PTPRD: variants seen among roughly 807,000 people sequenced by gnomAD.
PTPRD encodes protein tyrosine phosphatase receptor type D.
Under a neutral mutation model 214.5 loss-of-function variants are expected in PTPRD, and 34 were observed. The observed-to-expected ratio is 0.16, with a 90% CI of 0.12 to 0.21. PTPRD has a LOEUF of 0.21. Among genes scored for constraint, PTPRD ranks in the 10% least tolerant of loss-of-function variants. PTPRD has a pLI of 1.00. For missense variants in PTPRD, 2,545 were observed against 2,398.7 expected (o/e 1.06, Z -1.27); for synonymous variants, 1,128 against 845.7 (o/e 1.33, Z -5.79).
At chr9:9,209,441 G>C (rs2099947117) in intron 9 of PTPRD, among the ~76,000 whole-genome samples, 2 of 152,120 alleles carry the variant, frequency 1.3e-5, no homozygotes, top group African/African-American at 2.4e-5. Flanking sequence ...GACATTATAA[G>C]GTAATTGAAA....
intron 8 of PTPRD, among the ~76,000 whole-genome samples, chr9:9,494,989 G>C (rs1446798721): frequency 6.6e-6 from 1 of 152,062 alleles, no homozygotes; most frequent in Non-Finnish European, 1.5e-5. Context: ...GGATAGAAAA[G>C]AGAGCTCAGA....
chr9:8,803,537 C>T (rs544114111), intron 11 of PTPRD, among the ~76,000 whole-genome samples: 6 of 151,928 alleles, frequency 3.9e-5, no homozygotes, highest in Admixed American at 1.3e-4. Context: ...AAAATTATAA[C>T]GCCTGAGCAA....
chr9:9,739,410 G>C lies in PTPRD; in HGVS notation c.-325-4839C>G, dbSNP rs143345597. ...ACTTAAATAGTTACATAATTACTTA[G>C]AGTGTCTTTTTCTTGCGCTTCTCAT... On this transcript the variant is annotated intron_variant, in intron 6 of 45. Coordinates refer to ENST00000381196, the MANE Select transcript of PTPRD (RefSeq NM_002839.4). Among the ~76,000 whole-genome samples, 1,177 of 152,204 alleles carry C rather than the reference G, an allele frequency of 7.7e-3. 4 individuals are homozygous for C. Among genetic ancestry groups the C allele is most frequent in the Non-Finnish European group, 0.013 (911 of 67,998 alleles).
chr9:9,122,638 G>A (rs1056073544), intron 10 of PTPRD, among the ~76,000 whole-genome samples: 4 of 152,094 alleles, frequency 2.6e-5, no homozygotes, highest in Non-Finnish European at 5.9e-5. Context: ...GACACTTGCC[G>A]CAGTACATGA....
chr9:9,518,031 A>T (rs2096878528), intron 8 of PTPRD, among the ~76,000 whole-genome samples: 1 of 152,062 alleles, frequency 6.6e-6, no homozygotes, highest in African/African-American at 2.4e-5. Flanking sequence ...CTCTATATTT[A>T]CTTTCTAATT....
At chr9:8,489,756 T>C (rs189490472) in intron 27 of PTPRD, among the ~76,000 whole-genome samples, 238 of 152,346 alleles carry the variant, frequency 1.6e-3, no homozygotes, top group Non-Finnish European at 2.3e-3. Context: ...TTCTACATCA[T>C]TGAATACATA....
intron 4 of PTPRD, among the ~76,000 whole-genome samples, chr9:9,977,968 C>G (rs1015844079): frequency 3.3e-5 from 5 of 151,632 alleles, no homozygotes; most frequent in Non-Finnish European, 7.4e-5. Context: ...TCATCTAGCA[C>G]ATGGAAAGTG....
At chr9:8,796,605 A>G (rs1156573216) in intron 11 of PTPRD, among the ~76,000 whole-genome samples, 4 of 152,156 alleles carry the variant, frequency 2.6e-5, no homozygotes, top group Non-Finnish European at 5.9e-5. Flanking sequence ...TTTGGATGAC[A>G]GTAACTTAAA....
chr9:9,447,119 G>C (rs2090685429), intron 8 of PTPRD, among the ~76,000 whole-genome samples: 1 of 152,088 alleles, frequency 6.6e-6, no homozygotes, highest in Non-Finnish European at 1.5e-5. Context: ...ATTCCTCAAA[G>C]ACCAAAAATC....
chr9:9,432,576 T>C (rs1236617340), intron 8 of PTPRD, among the ~76,000 whole-genome samples: 1 of 152,190 alleles, frequency 6.6e-6, no homozygotes, highest in Non-Finnish European at 1.5e-5. Context: ...CTGAAGATCT[T>C]TTATTCTTTT....
At chr9:8,978,883 C>T (rs1038489978) in intron 11 of PTPRD, among the ~76,000 whole-genome samples, 3 of 152,116 alleles carry the variant, frequency 2.0e-5, no homozygotes, top group Non-Finnish European at 2.9e-5. Context: ...TTCCTGAAAA[C>T]GTCTAACACT....
intron 7 of PTPRD, among the ~76,000 whole-genome samples, chr9:9,666,545 CAAT>C (rs2096725908): frequency 6.6e-6 from 1 of 151,856 alleles, no homozygotes; most frequent in African/African-American, 2.4e-5. Flanking sequence ...AACTTACAAA[CAAT>C]AATAAAACAA....
intron 11 of PTPRD, among the ~76,000 whole-genome samples, chr9:8,891,993 T>C (rs2098543646): frequency 6.6e-6 from 1 of 152,140 alleles, no homozygotes; most frequent in East Asian, 1.9e-4. Flanking sequence ...GAATGCTTGT[T>C]TTCTTCTTAT....
intron 9 of PTPRD, among the ~76,000 whole-genome samples, chr9:9,389,446 G>A (rs553051490): frequency 6.6e-6 from 1 of 152,164 alleles, no homozygotes; most frequent in Non-Finnish European, 1.5e-5. Context: ...GGAGGCAGAG[G>A]TTGTGGTGAG....
At chr9:9,933,586 G>C (rs913270647) in intron 5 of PTPRD, among the ~76,000 whole-genome samples, 2 of 151,328 alleles carry the variant, frequency 1.3e-5, no homozygotes, top group Admixed American at 6.5e-5. Context: ...AGCAAGTCCT[G>C]AGTGACCTAC....
intron 7 of PTPRD, among the ~76,000 whole-genome samples, chr9:9,612,671 A>T (rs1364278720): frequency 2.0e-5 from 3 of 152,064 alleles, no homozygotes; most frequent in African/African-American, 7.3e-5. Flanking sequence ...TTTTCACTAC[A>T]ATCTTTGAAA....
At chr9:10,147,012 C>T (rs1237471568) in intron 3 of PTPRD, among the ~76,000 whole-genome samples, 1 of 152,224 alleles carries the variant, frequency 6.6e-6, no homozygotes, top group Non-Finnish European at 1.5e-5. Flanking sequence ...CTGGGCACAG[C>T]CGATGGAATA....
intron 25 of PTPRD, 60 bp downstream of exon 25, chr9:8,499,587 G>T (rs1397057631): frequency 9.2e-6 from 14 of 1,520,912 alleles, no homozygotes; most frequent in Non-Finnish European, 1.2e-5. Flanking sequence ...GCAATTTCAG[G>T]ATATGAACTA....
intron 5 of PTPRD, among the ~76,000 whole-genome samples, chr9:9,921,274 ATGTC>A (rs746644463): frequency 1.7e-3 from 254 of 152,172 alleles, no homozygotes; most frequent in Non-Finnish European, 2.1e-3. Flanking sequence ...TATAACATAA[ATGTC>A]TGTGCACATA....
Sources: allele counts gnomAD v4.1 joint callset (sites outside exome capture counted in the v4.1 genomes callset), GRCh38; gene constraint gnomAD v4.1.1; transcripts MANE v1.5; gene names NCBI Gene and HGNC (gene_info 2026-07-23, HGNC 2026-07-21).